Variants in FHIT observed in about 807,000 individuals in gnomAD.
The protein encoded by FHIT is fragile histidine triad diadenosine triphosphatase.
A neutral mutation model predicts 17.9 loss-of-function variants in FHIT; 19 were observed. The ratio of observed to expected loss-of-function variants is 1.06; its 90% confidence interval spans 0.74 to 1.56. The LOEUF (loss-of-function observed/expected upper bound fraction) is 1.56, where lower values mean the gene tolerates loss of function less well. FHIT is among the 40% of genes most tolerant of loss of function. The probability of loss-of-function intolerance (pLI) is 0.00; values close to 1 mark genes in which losing one functional copy is unlikely to be tolerated. For synonymous variants in FHIT, 81 were observed against 69.7 expected, an observed-to-expected ratio of 1.16 and a Z score of -0.81; for missense variants, 248 against 189.2, an observed-to-expected ratio of 1.31 and a Z score of -1.82.
At chr3:60,870,379 A>G (rs1704360228) in intron 3 of FHIT, among the ~76,000 whole-genome samples, 1 of 152,134 alleles carries the variant, frequency 6.6e-6, no homozygotes, top group Admixed American at 6.6e-5. Context: ...CTACAAAGAG[A>G]TGTTGGCAGT....
chr3:61,223,582 G>A (rs1340412589), intron 1 of FHIT, among the ~76,000 whole-genome samples: 1 of 152,112 alleles, frequency 6.6e-6, no homozygotes, highest in Admixed American at 6.5e-5. Flanking sequence ...AAACATTTTT[G>A]CAAGGCATCC....
At chr3:59,890,760 A>T (rs906086702) in intron 8 of FHIT, among the ~76,000 whole-genome samples, 2 of 152,216 alleles carry the variant, frequency 1.3e-5, no homozygotes, top group Non-Finnish European at 2.9e-5. Flanking sequence ...GCTGCTTATT[A>T]TCTCTCTTCC....
intron 4 of FHIT, among the ~76,000 whole-genome samples, chr3:60,809,466 G>A (rs1701503826): frequency 6.6e-6 from 1 of 152,136 alleles, no homozygotes; most frequent in Admixed American, 6.5e-5. Context: ...AGACCCAGAT[G>A]AATGTACCAA....
intron 8 of FHIT, among the ~76,000 whole-genome samples, chr3:59,764,221 C>G (rs1031118854): frequency 1.3e-5 from 2 of 152,180 alleles, no homozygotes; most frequent in Middle Eastern, 3.2e-3. Flanking sequence ...TACCATGGAG[C>G]AGCAAGGATG....
chr3:59,833,149 A>C (rs900920589), intron 8 of FHIT, among the ~76,000 whole-genome samples: 1 of 152,184 alleles, frequency 6.6e-6, no homozygotes, highest in African/African-American at 2.4e-5. Context: ...TTGTAATTGA[A>C]TAAGCCTGTC....
Position 60,936,046 on chromosome 3 carries a change from T to C in FHIT, c.-111+106001A>G, listed in dbSNP as rs376428479. Among the ~76,000 whole-genome samples, 12 of 152,314 alleles carry C rather than the reference T, an allele frequency of 7.9e-5. No homozygotes were observed. The South Asian group carries it at 2.5e-3, about 32-fold the overall frequency. The stretch of plus-strand genomic sequence containing the variant: ...TTGTGGCCCTTGTAGGTGAACTTCC[T>C]TGAATAATTAATGAACATGAAAGTC... On this transcript the variant is annotated intron_variant, in intron 3 of 9. Transcript: ENST00000492590.
At chr3:60,504,261 C>T (rs1278076343) in intron 5 of FHIT, among the ~76,000 whole-genome samples, 1 of 151,932 alleles carries the variant, frequency 6.6e-6, no homozygotes, top group African/African-American at 2.4e-5. Flanking sequence ...TGGTGAAACC[C>T]CGTCTCTACT....
chr3:59,848,753 A>T (rs1446852719), intron 8 of FHIT, among the ~76,000 whole-genome samples: 5 of 152,196 alleles, frequency 3.3e-5, no homozygotes, highest in Non-Finnish European at 5.9e-5. Context: ...ACCTTTCCAA[A>T]TATGGTGTCA....
intron 7 of FHIT, among the ~76,000 whole-genome samples, chr3:59,987,718 G>C (rs552333499): frequency 6.6e-6 from 1 of 151,862 alleles, no homozygotes; most frequent in African/African-American, 2.4e-5. Context: ...AATTCCTTTT[G>C]TAGTAATTTG....
At chr3:60,330,554 T>C (rs1470928811) in intron 5 of FHIT, among the ~76,000 whole-genome samples, 1 of 152,234 alleles carries the variant, frequency 6.6e-6, no homozygotes, top group Non-Finnish European at 1.5e-5. Context: ...CACCTGTTTA[T>C]CTGCCATGAT....
rs569433115 is a variant in FHIT at position 60,116,473 on chromosome 3, T to C, written c.104-102321A>G. ...TCTTTTCTTGCTTCTCCATAAATTA[T>C]GTACTTTCCTCTTTTCTCACCTCCT... On this transcript the variant is annotated intron_variant, in intron 5 of 9. Transcript: ENST00000492590. Among the ~76,000 whole-genome samples the C allele has an allele frequency of 3.9e-4, 60 of 152,284 alleles. 1 individual carries two copies. The highest frequency in any genetic ancestry group is 2.2e-3 in the Admixed American group (33 of 15,294).
At chr3:59,929,744 G>A (rs1392310272) in intron 7 of FHIT, among the ~76,000 whole-genome samples, 2 of 151,938 alleles carry the variant, frequency 1.3e-5, no homozygotes, top group African/African-American at 4.8e-5. Flanking sequence ...TTACAGCATA[G>A]AAAATCTGGA....
intron 5 of FHIT, among the ~76,000 whole-genome samples, chr3:60,389,822 C>T (rs1409533538): frequency 6.6e-6 from 1 of 152,152 alleles, no homozygotes; most frequent in Non-Finnish European, 1.5e-5. Flanking sequence ...GTTTGACTAA[C>T]TGTCATCTCC....
intron 3 of FHIT, among the ~76,000 whole-genome samples, chr3:60,845,178 G>T (rs1222931255): frequency 1.3e-5 from 2 of 151,976 alleles, no homozygotes; most frequent in African/African-American, 4.8e-5. Flanking sequence ...AAATGTTAGT[G>T]TTCCAAGCTT....
At chr3:60,722,930 G>A (rs1177336439) in intron 4 of FHIT, among the ~76,000 whole-genome samples, 5 of 152,002 alleles carry the variant, frequency 3.3e-5, no homozygotes, top group Non-Finnish European at 5.9e-5. Context: ...CACCACATTG[G>A]CGCTGGTCTC....
At chr3:61,036,753 G>T (rs905704687) in intron 3 of FHIT, among the ~76,000 whole-genome samples, 1 of 152,062 alleles carries the variant, frequency 6.6e-6, no homozygotes, top group Non-Finnish European at 1.5e-5. Context: ...GATTTAAACC[G>T]GTGAGCACAA....
rs1406068881 is a variant in FHIT at position 61,048,722 on chromosome 3, G to C, written c.-163-6623C>G. Among the ~76,000 whole-genome samples the C allele has an allele frequency of 5.5e-3, 835 of 152,094 alleles. 13 individuals carry two copies. The highest frequency in any genetic ancestry group is 0.019 in the African/African-American group (792 of 41,404). ...GATTCACAATAGCAAAGACCTGGAA[G>C]CAACCCAAATGTCCAACAATAGACT... is the stretch of plus-strand genomic sequence containing the variant. On this transcript the variant is annotated intron_variant, in intron 2 of 9. Coordinates refer to ENST00000492590, the MANE Select transcript of FHIT (RefSeq NM_002012.4).
chr3:60,639,111 C>T (rs1451078099), intron 4 of FHIT, among the ~76,000 whole-genome samples: 1 of 148,480 alleles, frequency 6.7e-6, no homozygotes, highest in African/African-American at 2.5e-5. Context: ...GAGGTGAGCT[C>T]TATAGTTAAA....
intron 2 of FHIT, among the ~76,000 whole-genome samples, chr3:61,042,797 G>A (rs914293047): frequency 6.6e-6 from 1 of 151,048 alleles, no homozygotes; most frequent in Non-Finnish European, 1.5e-5. Flanking sequence ...CCAAGATGGT[G>A]CCACTGCACT....
Sources: allele counts gnomAD v4.1 joint callset (sites outside exome capture counted in the v4.1 genomes callset), GRCh38; gene constraint gnomAD v4.1.1; transcripts MANE v1.5; gene names NCBI Gene and HGNC (gene_info 2026-07-23, HGNC 2026-07-21).